The following DIP2B variants were observed in gnomAD, a reference collection of about 807,000 sequenced individuals.
DIP2B encodes the protein disco-interacting protein 2 homolog B.
In DIP2B, 76 loss-of-function variants were observed where a neutral mutation model predicts 198.0. That is an observed-to-expected ratio of 0.38 (90% CI 0.32 to 0.46). The LOEUF (loss-of-function observed/expected upper bound fraction) is 0.46, where lower values mean the gene tolerates loss of function less well. DIP2B is among the 20% of genes least tolerant of loss of function. DIP2B has a pLI of 0.99. For missense variants in DIP2B, 1,559 were observed against 1,978.4 expected (o/e 0.79, Z 4.02); for synonymous variants, 701 against 739.1 (o/e 0.95, Z 0.84).
chr12:50,605,979 GC>G (rs1433539661), intron 1 of DIP2B, among the ~76,000 whole-genome samples: 2 of 152,024 alleles, frequency 1.3e-5, no homozygotes, highest in African/African-American at 4.8e-5. Flanking sequence ...GTGCCACCAT[GC>G]CCGGCTACTT....
At chr12:50,540,750 C>T (rs1025309953) in intron 1 of DIP2B, among the ~76,000 whole-genome samples, 4 of 150,570 alleles carry the variant, frequency 2.7e-5, no homozygotes, top group African/African-American at 4.9e-5. Context: ...GGGGTTTCAC[C>T]GTGGTCTCGA....
chr12:50,721,015 C>G (rs1216497059), intron 25 of DIP2B, among the ~76,000 whole-genome samples: 1 of 151,956 alleles, frequency 6.6e-6, no homozygotes, highest in East Asian at 1.9e-4. Flanking sequence ...TGCTGTGTTG[C>G]CCAGGCTTGT....
Position 50,714,491 on chromosome 12 carries a change from C to G in DIP2B, c.2746C>G (p.Gln916Glu). Residue 916 changes from glutamine (Q) to glutamate (E), a missense_variant, in exon 23 of 38, where the codon CAG (glutamine) becomes GAG (glutamate). Coordinates refer to ENST00000301180, the MANE Select transcript of DIP2B (RefSeq NM_173602.3). ...KTPLGGIHIS[Q>E]TKQLFLEGSL... ...TCCACTAGGAGGAATCCATATATCT[C>G]AGACGAAACAACTCTTTCTGGAGGG... The G allele has an allele frequency of 6.2e-7, 1 of 1,614,186 alleles. No homozygotes were observed. The highest frequency in any genetic ancestry group is 8.5e-7 in the Non-Finnish European group (1 of 1,180,042).
chr12:50,706,910 C>T (rs1438858485), intron 21 of DIP2B, among the ~76,000 whole-genome samples: 1 of 152,020 alleles, frequency 6.6e-6, no homozygotes, highest in Non-Finnish European at 1.5e-5. Context: ...ATATCCTTTA[C>T]TTCAGATTTA....
intron 1 of DIP2B, among the ~76,000 whole-genome samples, chr12:50,599,121 C>G (rs2139439900): frequency 6.8e-6 from 1 of 146,946 alleles, no homozygotes; most frequent in Admixed American, 6.8e-5. Context: ...AAAACTCCAT[C>G]TCTACCAAAA....
chr12:50,549,170 TAAA>T (rs780278216), intron 1 of DIP2B, among the ~76,000 whole-genome samples: 1 of 137,436 alleles, frequency 7.3e-6, no homozygotes. Flanking sequence ...GGGGCTGGTT[TAAA>T]AAAAAAAAAA....
At chr12:50,614,849 G>A (rs1257573300) in intron 1 of DIP2B, among the ~76,000 whole-genome samples, 1 of 152,200 alleles carries the variant, frequency 6.6e-6, no homozygotes, top group Non-Finnish European at 1.5e-5. Context: ...TGCTGTGGCA[G>A]TGGCAGTATT....
chr12:50,579,165 G>T (rs1958691578), intron 1 of DIP2B, among the ~76,000 whole-genome samples: 2 of 152,096 alleles, frequency 1.3e-5, no homozygotes, highest in African/African-American at 4.8e-5. Flanking sequence ...AAGAATAAAT[G>T]AGAGATAAAC....
At chr12:50,669,844 A>G (rs1319263863) in intron 4 of DIP2B, among the ~76,000 whole-genome samples, 1 of 152,156 alleles carries the variant, frequency 6.6e-6, no homozygotes, top group Non-Finnish European at 1.5e-5. Flanking sequence ...CCCATTGGTT[A>G]TGTATTTGGC....
rs1157092538 is a variant in DIP2B, at chr12:50,671,199, C to T, written c.441C>T (p.Ala147=). 1.2e-6 allele frequency: 2 copies of T among 1,613,972 alleles called. No homozygotes were observed. The highest frequency in any genetic ancestry group is 1.1e-5 in the South Asian group (1 of 91,084). Residue 147 remains alanine (A), a synonymous_variant, in exon 5 of 38, where the codon GCC becomes GCT. Transcript: ENST00000301180. ...AATTCCACACAGACACATCTTCGGCCTCTGAGGATGAGGGCTCTCTGAGAC... is the reference window on the plus strand; with the variant it reads ...AATTCCACACAGACACATCTTCGGCTTCTGAGGATGAGGGCTCTCTGAGAC... ...DACTPPDTSS[A]SEDEGSLRRQ... is the part of the protein sequence containing the mutation.
At chr12:50,739,803 G>A (rs929659398) in intron 36 of DIP2B, among the ~76,000 whole-genome samples, 3 of 152,298 alleles carry the variant, frequency 2.0e-5, no homozygotes, top group Admixed American at 6.5e-5. Context: ...GGAGCATCCC[G>A]AGCTGTGAGT....
intron 1 of DIP2B, among the ~76,000 whole-genome samples, chr12:50,514,158 C>T (rs533467299): frequency 6.6e-6 from 1 of 151,282 alleles, no homozygotes; most frequent in South Asian, 2.1e-4. Context: ...CTCCGCCTCC[C>T]GGGTTCAAGC....
chr12:50,689,482 C>T (rs2700482), intron 12 of DIP2B, among the ~76,000 whole-genome samples: 41,219 of 152,114 alleles, frequency 0.27, 6,345 homozygotes, highest in Non-Finnish European at 0.35. Flanking sequence ...GGAAATAGAG[C>T]AGGCAGGGCT....
chr12:50,727,131 A>G (rs1429910057), intron 28 of DIP2B, among the ~76,000 whole-genome samples: 2 of 152,176 alleles, frequency 1.3e-5, no homozygotes, highest in South Asian at 4.1e-4. Flanking sequence ...AAAAGAAAAA[A>G]TCTGCTAATT....
chr12:50,739,665 T>C (rs763829800), intron 36 of DIP2B, 79 bp downstream of exon 36: 92 of 1,538,040 alleles, frequency 6.0e-5, no homozygotes, highest in Non-Finnish European at 7.4e-5. Context: ...CTGCGTTGGA[T>C]TGTGGAGTGT....
chr12:50,547,168 A>G (rs936197682), intron 1 of DIP2B, among the ~76,000 whole-genome samples: 3 of 152,314 alleles, frequency 2.0e-5, no homozygotes, highest in African/African-American at 4.8e-5. Context: ...TATAGAGGCA[A>G]TAAACTTGTA....
intron 14 of DIP2B, among the ~76,000 whole-genome samples, chr12:50,694,552 CAT>C (rs1592131302): frequency 2.3e-4 from 28 of 123,376 alleles, no homozygotes; most frequent in Admixed American, 1.7e-3. Flanking sequence ...TACATACATA[CAT>C]ACATACACCA....
At chr12:50,666,399 A>G (rs1938752985) in intron 4 of DIP2B, among the ~76,000 whole-genome samples, 1 of 152,208 alleles carries the variant, frequency 6.6e-6, no homozygotes, top group Non-Finnish European at 1.5e-5. Flanking sequence ...CTGTTTTTAG[A>G]CATATCAGTT....
chr12:50,664,162 T>C lies in DIP2B; in HGVS notation c.427+3843T>C, dbSNP rs1938705632. Reference sequence around the variant, plus strand: ...TTGAATTACTGAACTGATGAAAATTTAGAGCTGCTCTTTTTGAGGGATTTA... The same window carrying C: ...TTGAATTACTGAACTGATGAAAATTCAGAGCTGCTCTTTTTGAGGGATTTA... On this transcript the variant is annotated intron_variant, in intron 4 of 37. Coordinates refer to ENST00000301180, the MANE Select transcript of DIP2B (RefSeq NM_173602.3). Among the ~76,000 whole-genome samples, 3 of 152,186 alleles carry C rather than the reference T, an allele frequency of 2.0e-5. No homozygotes were observed. The South Asian group carries it at 6.2e-4, about 31-fold the overall frequency.
Sources: gnomAD v4.1 joint callset for allele counts (sites outside exome capture counted in the v4.1 genomes callset) on GRCh38, gnomAD v4.1.1 for gene constraint, MANE v1.5 for transcripts, NCBI Gene and HGNC (gene_info 2026-07-23, HGNC 2026-07-21) for gene names.